The following GALNT13 variants were observed in gnomAD, a reference collection of about 807,000 sequenced individuals.
GALNT13 encodes polypeptide N-acetylgalactosaminyltransferase 13.
In GALNT13, 28 loss-of-function variants were observed where a neutral mutation model predicts 64.2. That is an observed-to-expected ratio of 0.44 (90% CI 0.32 to 0.60). The LOEUF is 0.60. GALNT13 is among the 20% of genes least tolerant of loss of function. GALNT13 has a pLI of 0.05. For synonymous variants in GALNT13, 214 were observed against 224.6 expected (o/e 0.95, Z 0.42); for missense variants, 577 against 669.8 (o/e 0.86, Z 1.53).
At chr2:153,944,274 A>G in intron 2 of GALNT13, 120 bp from the exon 3 acceptor site, 2 of 400,074 alleles carry the variant, frequency 5.0e-6, no homozygotes, top group Middle Eastern at 6.5e-4. Context: ...TTTGGATTCG[A>G]AGGCTTGAGT....
intron 12 of GALNT13, among the ~76,000 whole-genome samples, chr2:154,440,363 C>T (rs1701225793): frequency 6.6e-6 from 1 of 151,836 alleles, no homozygotes; most frequent in Admixed American, 6.6e-5. Flanking sequence ...TCTCAAATAA[C>T]TACTGTTAGC....
chr2:153,538,361 T>A, the GALNT13 span, among the ~76,000 whole-genome samples: 54 of 110,970 alleles, frequency 4.9e-4, no homozygotes, highest in Non-Finnish European at 6.9e-4. Flanking sequence ...TATTTATTTT[T>A]ATTTTATTTA....
intron 3 of GALNT13, among the ~76,000 whole-genome samples, chr2:154,046,348 A>G (rs1281655761): frequency 6.6e-6 from 1 of 152,080 alleles, no homozygotes; most frequent in Admixed American, 6.6e-5. Context: ...AAGGACCCTG[A>G]TAACCATTTG....
chr2:154,291,434 A>G (rs1294672725), intron 8 of GALNT13, among the ~76,000 whole-genome samples: 1 of 152,160 alleles, frequency 6.6e-6, no homozygotes, highest in Non-Finnish European at 1.5e-5. Context: ...GCTAGACAGA[A>G]AAGTTCTCCA....
At chr2:153,533,892 A>T in the GALNT13 span, among the ~76,000 whole-genome samples, 3 of 150,696 alleles carry the variant, frequency 2.0e-5, no homozygotes, top group Non-Finnish European at 3.0e-5. Flanking sequence ...TTCCATCTCT[A>T]TTCTTGTCTT....
the GALNT13 span, among the ~76,000 whole-genome samples, chr2:153,402,293 A>T: frequency 6.6e-6 from 1 of 151,812 alleles, no homozygotes; most frequent in Non-Finnish European, 1.5e-5. Flanking sequence ...CTGCCGAGAG[A>T]TCTGCTGTTA....
intron 9 of GALNT13, among the ~76,000 whole-genome samples, chr2:154,390,119 C>T (rs1030592924): frequency 6.6e-5 from 10 of 151,980 alleles, no homozygotes; most frequent in African/African-American, 2.4e-4. Context: ...GACAGTTGAG[C>T]CAGTGTCATT....
chr2:153,550,328 G>A, the GALNT13 span, among the ~76,000 whole-genome samples: 4 of 151,214 alleles, frequency 2.6e-5, no homozygotes, highest in East Asian at 5.8e-4. Flanking sequence ...TCTGCCTCCC[G>A]AGTTCAAGTG....
At chr2:153,630,808 T>TATTTATTTATTTA in the GALNT13 span, among the ~76,000 whole-genome samples, 9 of 16,970 alleles carry the variant, frequency 5.3e-4, no homozygotes, top group African/African-American at 1.2e-3. Flanking sequence ...TATATATATA[T>TATTTATTTATTTA]TTTTTTTTTT....
chr2:153,945,436 T>A (rs1558867781), intron 3 of GALNT13, among the ~76,000 whole-genome samples: 1 of 152,184 alleles, frequency 6.6e-6, no homozygotes, highest in Non-Finnish European at 1.5e-5. Context: ...AAATTAGTTT[T>A]ATTCTCATTG....
chr2:153,861,487 T>G, the GALNT13 span, among the ~76,000 whole-genome samples: 1 of 152,076 alleles, frequency 6.6e-6, no homozygotes, highest in Admixed American at 6.5e-5. Flanking sequence ...TTTTCTATGG[T>G]TTATGATGAA....
Position 154,177,985 on chromosome 2 carries a change from G to A in GALNT13, c.311+37480G>A, listed in dbSNP as rs994203260. ...CCTTTATGACTCAAGTAATGCAAAA[G>A]CAAGTTTTAGGAGCAGAATTGGTAT... On this transcript the variant is annotated intron_variant, in intron 4 of 12. Transcript: ENST00000392825. Among the ~76,000 whole-genome samples the A allele has an allele frequency of 2.0e-5, 3 of 152,106 alleles. No individual in the cohort carries two copies. The East Asian group carries it at 5.8e-4, about 29-fold the overall frequency.
At chr2:153,575,687 C>T in the GALNT13 span, among the ~76,000 whole-genome samples, 8 of 152,116 alleles carry the variant, frequency 5.3e-5, no homozygotes, top group African/African-American at 1.7e-4. Context: ...CAGACTACCA[C>T]CAATATTTCC....
chr2:154,424,108 G>T (rs1328343949), intron 11 of GALNT13, among the ~76,000 whole-genome samples: 1 of 152,182 alleles, frequency 6.6e-6, no homozygotes, highest in East Asian at 1.9e-4. Context: ...GGCATATGAT[G>T]ACTAAAAATA....
chr2:154,304,388 A>C (rs1693619451), intron 9 of GALNT13, among the ~76,000 whole-genome samples: 1 of 152,202 alleles, frequency 6.6e-6, no homozygotes, highest in African/African-American at 2.4e-5. Context: ...TTTTGAATTC[A>C]AATCATTACT....
intron 3 of GALNT13, among the ~76,000 whole-genome samples, chr2:153,959,957 A>G (rs533370705): frequency 2.6e-5 from 4 of 152,292 alleles, no homozygotes; most frequent in African/African-American, 9.6e-5. Flanking sequence ...CGATGGGCTC[A>G]GCTGCCACAG....
At chr2:154,059,237 G>T (rs922669207) in intron 3 of GALNT13, among the ~76,000 whole-genome samples, 1 of 152,170 alleles carries the variant, frequency 6.6e-6, no homozygotes, top group Non-Finnish European at 1.5e-5. Flanking sequence ...GGCTTTGGTT[G>T]TAGAATATAA....
chr2:153,452,862 G>A, the GALNT13 span, among the ~76,000 whole-genome samples: 1 of 152,182 alleles, frequency 6.6e-6, no homozygotes, highest in South Asian at 2.1e-4. Context: ...TTACATACCT[G>A]ACCTCAAACT....
the GALNT13 span, among the ~76,000 whole-genome samples, chr2:153,352,501 A>G: frequency 6.6e-6 from 1 of 152,052 alleles, no homozygotes; most frequent in African/African-American, 2.4e-5. Flanking sequence ...TTATGTCTTC[A>G]GTGTTATTCT....
Sources: gnomAD v4.1 joint callset for allele counts (sites outside exome capture counted in the v4.1 genomes callset) on GRCh38, gnomAD v4.1.1 for gene constraint, MANE v1.5 for transcripts, NCBI Gene and HGNC (gene_info 2026-07-23, HGNC 2026-07-21) for gene names.